The following KIRREL1 variants were observed in gnomAD, a reference collection of about 807,000 sequenced individuals.
The protein encoded by KIRREL1 is kirre like nephrin family adhesion molecule 1, also known as kin of IRRE-like protein 1.
In KIRREL1, 25 loss-of-function variants were observed where a neutral mutation model predicts 83.3. That is an observed-to-expected ratio of 0.30 (90% confidence interval 0.22 to 0.42). KIRREL1 has a LOEUF of 0.42. Ranked by LOEUF, KIRREL1 falls within the 10% of genes least tolerant of loss-of-function variation. The pLI is 1.00. For missense variants in KIRREL1, 812 were observed against 1,032.3 expected, an observed-to-expected ratio of 0.79 and a Z score of 2.92; for synonymous variants, 388 against 410.4, an observed-to-expected ratio of 0.95 and a Z score of 0.66.
intron 1 of KIRREL1, among the ~76,000 whole-genome samples, chr1:158,016,584 TA>T (rs1418275202): frequency 6.6e-6 from 1 of 152,224 alleles, no homozygotes; most frequent in African/African-American, 2.4e-5. Flanking sequence ...ATAATGATGA[TA>T]AATAATCAGA....
At chr1:158,093,289 C>G in intron 11 of KIRREL1, 50 bp from the exon 12 acceptor site, 1 of 1,487,194 alleles carries the variant, frequency 6.7e-7, no homozygotes, top group Non-Finnish European at 9.4e-7. Context: ...GAGCTTAGCT[C>G]CCAGTATAAC....
Position 158,097,106 on chromosome 1 carries a change from C to G in KIRREL1, c.*1986C>G. The G allele has an allele frequency of 2.2e-6, 1 of 456,388 alleles. No individual in the cohort carries two copies. 28.3% of individuals were successfully genotyped at this position (456,388 alleles called of 1,614,324 possible). A position where few individuals can be genotyped will look rare whatever the true frequency, so the allele number is the denominator to read the frequency against. On this transcript the variant is annotated 3_prime_UTR_variant, in exon 15 of 15. Coordinates refer to ENST00000359209, the MANE Select transcript of KIRREL1 (RefSeq NM_018240.7). Reference sequence around the variant, plus strand: ...AAAACTCCTGTGGAGTGGGCCCTATCTGGGGCATTTACAGGCTTCCAGCTG... The same window carrying G: ...AAAACTCCTGTGGAGTGGGCCCTATGTGGGGCATTTACAGGCTTCCAGCTG...
chr1:158,076,102 T>C lies in KIRREL1; in HGVS notation c.53-11T>C, dbSNP rs1661673587. On this transcript the variant is annotated splice_polypyrimidine_tract_variant and intron_variant, in intron 1 of 14. Transcript: ENST00000359209. ...TACTCATCTTACCCAGTGCTGGCTT[T>C]GGCTTTGCAGGGACCCAGACCCGCT... 1 of 1,612,900 alleles carries C rather than the reference T, an allele frequency of 6.2e-7. No homozygotes were observed. The highest frequency in any genetic ancestry group is 1.1e-5 in the South Asian group (1 of 90,966).
intron 1 of KIRREL1, among the ~76,000 whole-genome samples, chr1:158,024,770 C>A (rs1660118299): frequency 6.6e-6 from 1 of 152,154 alleles, no homozygotes; most frequent in African/African-American, 2.4e-5. Flanking sequence ...CCTTCCCCGA[C>A]CCAGTTCCCC....
At chr1:158,028,600 A>G (rs1232168345) in intron 1 of KIRREL1, among the ~76,000 whole-genome samples, 1 of 151,470 alleles carries the variant, frequency 6.6e-6, no homozygotes, top group Non-Finnish European at 1.5e-5. Context: ...CCCAGGAGGC[A>G]TTTTCCTGGG....
In KIRREL1 at chr1:158,091,572, G is replaced by A. The variant is rs1229759329; in HGVS notation, c.1471+16G>A. On this transcript the variant is annotated intron_variant, in intron 11 of 14. Coordinates refer to ENST00000359209, the MANE Select transcript of KIRREL1 (RefSeq NM_018240.7). ...GAAGAGCGAGGTGACTGGTAGTGCT[G>A]CCTGCCAGCTGGGGTGCAGAGCAGC... is the stretch of plus-strand genomic sequence containing the variant. 6.2e-7 allele frequency: 1 copy of A among 1,613,178 alleles called. No homozygotes were observed. The highest frequency in any genetic ancestry group is 1.3e-5 in the African/African-American group (1 of 75,048).
chr1:158,058,913 C>T (rs1661137808), intron 1 of KIRREL1, among the ~76,000 whole-genome samples: 2 of 152,174 alleles, frequency 1.3e-5, no homozygotes, highest in South Asian at 2.1e-4. Context: ...CTCTCCCAGA[C>T]GCCGCAGCCG....
chr1:158,074,412 G>A (rs1039832493), intron 1 of KIRREL1, among the ~76,000 whole-genome samples: 33 of 152,222 alleles, frequency 2.2e-4, no homozygotes, highest in Admixed American at 1.3e-3. Context: ...AACCAGTGGG[G>A]ATGGATGTCG....
At chr1:158,093,961 C>A (rs1662280502) in intron 13 of KIRREL1, among the ~76,000 whole-genome samples, 199 bp downstream of exon 13, 1 of 152,256 alleles carries the variant, frequency 6.6e-6, no homozygotes, top group African/African-American at 2.4e-5. Flanking sequence ...GGATAGGCAG[C>A]TGGGATTGTC....
At chr1:158,001,556 G>A (rs968857339) in intron 1 of KIRREL1, among the ~76,000 whole-genome samples, 2 of 152,184 alleles carry the variant, frequency 1.3e-5, no homozygotes, top group Admixed American at 6.5e-5. Flanking sequence ...GTGCAGGTCA[G>A]AGCTAGAGAG....
At chr1:158,068,085 G>A (rs1428289251) in intron 1 of KIRREL1, among the ~76,000 whole-genome samples, 1 of 152,172 alleles carries the variant, frequency 6.6e-6, no homozygotes, top group Non-Finnish European at 1.5e-5. Context: ...GGATGAGAAA[G>A]GACCAGCAGT....
chr1:158,056,167 C>T (rs909433291), intron 1 of KIRREL1, among the ~76,000 whole-genome samples: 4 of 152,248 alleles, frequency 2.6e-5, no homozygotes, highest in African/African-American at 9.6e-5. Context: ...TGGGCAAAAC[C>T]AGTCTCTGTT....
chr1:158,058,395 T>G lies in KIRREL1; in HGVS notation c.53-17718T>G, dbSNP rs1432147130. 2.6e-5 allele frequency among the ~76,000 whole-genome samples: 4 copies of G among 152,324 alleles called. No individual in the cohort carries two copies. In the East Asian group the frequency reaches 5.8e-4, roughly 22 times the overall value. On this transcript the variant is annotated intron_variant, in intron 1 of 14. Transcript: ENST00000359209. The stretch of plus-strand genomic sequence containing the variant: ...AAAATCCTTCATTATTATTCTGTGC[T>G]GTCTCTCCCTCCTCCCTCCCTGCCC...
chr1:158,068,985 G>T (rs113626690), intron 1 of KIRREL1, among the ~76,000 whole-genome samples: 9 of 152,270 alleles, frequency 5.9e-5, no homozygotes, highest in South Asian at 2.1e-4. Flanking sequence ...GGCCCAGGGG[G>T]TTCATTACTG....
At chr1:158,037,649 A>G (rs1660514309) in intron 1 of KIRREL1, among the ~76,000 whole-genome samples, 1 of 152,174 alleles carries the variant, frequency 6.6e-6, no homozygotes, top group African/African-American at 2.4e-5. Flanking sequence ...TTAGCTATCA[A>G]GTCCCATCTC....
chr1:158,095,218 G>A lies in KIRREL1; in HGVS notation c.*98G>A, dbSNP rs531906270. On this transcript the variant is annotated 3_prime_UTR_variant, in exon 15 of 15. Transcript: ENST00000359209. ...GGGCATTGCTCATTGCTCCCTTCTC[G>A]GACCAGCCTTCTTCCTCCCACCATG... 52 of 894,768 alleles carry A rather than the reference G, an allele frequency of 5.8e-5. No homozygotes were observed. The highest frequency in any genetic ancestry group is 1.1e-4 in the South Asian group (6 of 56,820). 55.4% of individuals were successfully genotyped at this position (894,768 alleles called of 1,614,324 possible). A position where few individuals can be genotyped will look rare whatever the true frequency, so the allele number is the denominator to read the frequency against.
At chr1:158,029,005 T>TA (rs1162795311) in intron 1 of KIRREL1, among the ~76,000 whole-genome samples, 1 of 152,182 alleles carries the variant, frequency 6.6e-6, no homozygotes, top group Admixed American at 6.5e-5. Flanking sequence ...AAACCTTTAT[T>TA]AAACACATAA....
chr1:158,048,284 G>A (rs530139362), intron 1 of KIRREL1, among the ~76,000 whole-genome samples: 1 of 152,296 alleles, frequency 6.6e-6, no homozygotes, highest in East Asian at 1.9e-4. Flanking sequence ...TACCTATGAA[G>A]AATTATTTAT....
chr1:158,036,636 T>C (rs1333810240), intron 1 of KIRREL1, among the ~76,000 whole-genome samples: 1 of 152,098 alleles, frequency 6.6e-6, no homozygotes, highest in Non-Finnish European at 1.5e-5. Context: ...AGAGAGGCGC[T>C]TGATGGAGGA....
Sources: allele counts gnomAD v4.1 joint callset (sites outside exome capture counted in the v4.1 genomes callset), GRCh38; gene constraint gnomAD v4.1.1; transcripts MANE v1.5; gene names NCBI Gene and HGNC (gene_info 2026-07-23, HGNC 2026-07-21).